PLCB1: variants seen among roughly 807,000 people sequenced by gnomAD.
PLCB1 encodes the protein 1-phosphatidylinositol 4,5-bisphosphate phosphodiesterase beta-1.
In PLCB1, 46 loss-of-function variants were observed where a neutral mutation model predicts 161.8. The ratio of observed to expected loss-of-function variants is 0.28; its 90% CI spans 0.22 to 0.36. The LOEUF (loss-of-function observed/expected upper bound fraction) is 0.36, where lower values mean the gene tolerates loss of function less well. Ranked by LOEUF, PLCB1 falls within the 10% of genes least tolerant of loss-of-function variation. PLCB1 has a pLI of 1.00. For synonymous variants in PLCB1, 517 were observed against 503.7 expected (o/e 1.03, Z -0.35); for missense variants, 1,016 against 1,472.5 (o/e 0.69, Z 5.07).
intron 3 of PLCB1, among the ~76,000 whole-genome samples, chr20:8,592,599 T>C (rs1020961292): frequency 1.3e-5 from 2 of 152,146 alleles, no homozygotes; most frequent in African/African-American, 2.4e-5. Flanking sequence ...GGTCTTTTTT[T>C]CCCCTTGGAG....
At chr20:8,634,661 T>C (rs1397982023) in intron 4 of PLCB1, among the ~76,000 whole-genome samples, 1 of 152,198 alleles carries the variant, frequency 6.6e-6, no homozygotes, top group Non-Finnish European at 1.5e-5. Context: ...AACAACAAAC[T>C]CATTCCTGAT....
intron 2 of PLCB1, among the ~76,000 whole-genome samples, chr20:8,169,548 A>G (rs1328719270): frequency 6.6e-6 from 1 of 152,188 alleles, no homozygotes; most frequent in Non-Finnish European, 1.5e-5. Context: ...TAGGACAGGT[A>G]TTCGGATACT....
chr20:8,726,244 G>A (rs1979928167), intron 16 of PLCB1, among the ~76,000 whole-genome samples: 2 of 152,000 alleles, frequency 1.3e-5, no homozygotes, highest in South Asian at 4.2e-4. Context: ...TGGGGATGAG[G>A]GTAGAGAAAG....
At chr20:8,758,413 C>T (rs1007404924) in intron 24 of PLCB1, among the ~76,000 whole-genome samples, 2 of 151,760 alleles carry the variant, frequency 1.3e-5, no homozygotes, top group Admixed American at 6.6e-5. Flanking sequence ...AAACCCCCAT[C>T]GCTACTAAAA....
chr20:8,708,602 A>T, intron 11 of PLCB1, 68 bp from the exon 12 acceptor site: 1 of 921,454 alleles, frequency 1.1e-6, no homozygotes, highest in Non-Finnish European at 1.8e-6. Context: ...TAATAGATTT[A>T]ATACCTTTCA....
chr20:8,879,614 A>G (rs1191783060), intron 31 of PLCB1, among the ~76,000 whole-genome samples: 8 of 133,374 alleles, frequency 6.0e-5, no homozygotes, highest in Non-Finnish European at 9.7e-5. Context: ...AAAAAGAAAA[A>G]GAAAAAAAGG....
chr20:8,787,800 C>T (rs545698443), intron 27 of PLCB1, among the ~76,000 whole-genome samples: 13 of 152,318 alleles, frequency 8.5e-5, no homozygotes, highest in South Asian at 2.1e-4. Context: ...TAAATACTTG[C>T]GTTCACAGTG....
chr20:8,341,682 A>G (rs1486136617), intron 2 of PLCB1, among the ~76,000 whole-genome samples: 1 of 152,220 alleles, frequency 6.6e-6, no homozygotes. Flanking sequence ...AGCACTAATT[A>G]TATCTGACCT....
chr20:8,240,460 C>A (rs6077333), intron 2 of PLCB1, among the ~76,000 whole-genome samples: 64,006 of 151,744 alleles, frequency 0.42, 14,106 homozygotes, highest in East Asian at 0.66. Flanking sequence ...ATTTGATGCA[C>A]AATATTTCAT....
At position 8,882,173 on chromosome 20, in the gene PLCB1, C is replaced by A; in HGVS notation, c.*324C>A. 3.9e-6 allele frequency: 1 copy of A among 256,026 alleles called. No homozygotes were observed. The highest frequency in any genetic ancestry group is 7.5e-6 in the Non-Finnish European group (1 of 132,870). The allele number at this position is 256,026 out of a possible 1,614,324, so 15.9% of individuals were successfully genotyped here. ...GGACAGTGTCTTCTTTGAAGAAAAT[C>A]AAGCTCGTGTTTTTATTCGAAGCTC... On this transcript the variant is annotated 3_prime_UTR_variant, in exon 32 of 32. Coordinates refer to ENST00000338037, the MANE Select transcript of PLCB1 (RefSeq NM_015192.4).
intron 20 of PLCB1, among the ~76,000 whole-genome samples, chr20:8,738,155 A>G (rs1358505550): frequency 1.3e-5 from 2 of 152,226 alleles, no homozygotes; most frequent in South Asian, 4.1e-4. Context: ...AAGCAATTGT[A>G]TTTTGAAAGC....
chr20:8,756,417 C>T (rs895084115), intron 23 of PLCB1, among the ~76,000 whole-genome samples: 1 of 152,136 alleles, frequency 6.6e-6, no homozygotes, highest in Non-Finnish European at 1.5e-5. Flanking sequence ...TCCATCACAT[C>T]GATTAGCTCA....
At chr20:8,576,966 AT>A (rs993864991) in intron 3 of PLCB1, among the ~76,000 whole-genome samples, 3 of 152,128 alleles carry the variant, frequency 2.0e-5, no homozygotes, top group Non-Finnish European at 4.4e-5. Flanking sequence ...CAGAGGTAAT[AT>A]TAGAGAGCTG....
At chr20:8,445,521 G>C (rs962936651) in intron 3 of PLCB1, among the ~76,000 whole-genome samples, 2 of 151,824 alleles carry the variant, frequency 1.3e-5, no homozygotes, top group Non-Finnish European at 2.9e-5. Context: ...GATTGACTTG[G>C]CAATGCGGGC....
chr20:8,521,903 G>A (rs1182997105), intron 3 of PLCB1, among the ~76,000 whole-genome samples: 2 of 152,132 alleles, frequency 1.3e-5, no homozygotes, highest in South Asian at 2.1e-4. Flanking sequence ...AACAAAGTTC[G>A]GGAGTGCAAA....
At chr20:8,485,605 A>G (rs1445591089) in intron 3 of PLCB1, among the ~76,000 whole-genome samples, 1 of 152,214 alleles carries the variant, frequency 6.6e-6, no homozygotes, top group Non-Finnish European at 1.5e-5. Flanking sequence ...AAACAACATT[A>G]ATGACTGGGC....
intron 31 of PLCB1, among the ~76,000 whole-genome samples, chr20:8,825,444 G>A (rs1420953111): frequency 1.3e-5 from 2 of 152,208 alleles, no homozygotes; most frequent in East Asian, 3.9e-4. Context: ...GAGAAAGAGT[G>A]TGTGGATGAA....
At position 8,426,102 on chromosome 20, in the gene PLCB1, C is replaced by T. The variant is rs565892483; in HGVS notation, c.246+54652C>T. 2.6e-5 allele frequency among the ~76,000 whole-genome samples: 4 copies of T among 152,280 alleles called. No individual in the cohort carries two copies. The East Asian group carries it at 5.8e-4, about 22-fold the overall frequency. On this transcript the variant is annotated intron_variant, in intron 3 of 31. Coordinates refer to ENST00000338037, the MANE Select transcript of PLCB1 (RefSeq NM_015192.4). ...ATGGGAAGCACTGCTTCATTTCTGC[C>T]TGGAAAAGCCAGGGACACGATGAAA...
chr20:8,614,352 A>G (rs2123180113), intron 3 of PLCB1, among the ~76,000 whole-genome samples: 1 of 149,948 alleles, frequency 6.7e-6, no homozygotes, highest in East Asian at 1.9e-4. Context: ...ATACACACAC[A>G]TATACACATA....
Sources: allele counts gnomAD v4.1 joint callset (sites outside exome capture counted in the v4.1 genomes callset), GRCh38; gene constraint gnomAD v4.1.1; transcripts MANE v1.5; gene names NCBI Gene and HGNC (gene_info 2026-07-23, HGNC 2026-07-21).